CEP41: variants seen among roughly 807,000 people sequenced by gnomAD.
CEP41 encodes centrosomal protein of 41 kDa.
CEP41 carries 32 observed loss-of-function variants against 44.3 expected under a neutral mutation model. The observed-to-expected ratio is 0.72, with a 90% CI of 0.54 to 0.97. The LOEUF (loss-of-function observed/expected upper bound fraction) is 0.97. Ranked by LOEUF, CEP41 falls within the 50% of genes least tolerant of loss-of-function variation. The probability of loss-of-function intolerance (pLI) is 0.00; values close to 1 mark genes in which losing one functional copy is unlikely to be tolerated. For synonymous variants in CEP41, 151 were observed against 168.5 expected (o/e 0.90, Z 0.80); for missense variants, 432 against 455.2 (o/e 0.95, Z 0.46).
In CEP41 at chr7:130,411,151, A is replaced by G; in HGVS notation, c.248T>C (p.Val83Ala). The G allele has an allele frequency of 4.3e-6, 7 of 1,614,142 alleles. No individual in the cohort carries two copies. Among genetic ancestry groups the G allele is most frequent in the Non-Finnish European group, 5.1e-6 (6 of 1,179,984 alleles). ...VASLSDQTLEVTAEEIQRLED... is the reference protein window; with the variant it reads ...VASLSDQTLEATAEEIQRLED... ...CAGCCTTTGAATCTCCTCAGCTGTC[A>G]CTTCCAGTGTTTGATCAGAGAGGGA... Residue 83 changes from valine (V) to alanine (A), a missense_variant, in exon 5 of 11, where the codon GTG (valine) becomes GCG (alanine). By Grantham distance (64) the Val-to-Ala change is moderately conservative. Transcript: ENST00000223208.
In CEP41 at chr7:130,411,912, A is replaced by G. The variant is rs1433577582; in HGVS notation, c.207+267T>C. The stretch of plus-strand genomic sequence containing the variant: ...TAAATATTAAGTTAAATGTATAAGG[A>G]AAAAAACCCCTAACCACAAGTTTAA... On this transcript the variant is annotated intron_variant, in intron 4 of 10. Coordinates refer to ENST00000223208, the MANE Select transcript of CEP41 (RefSeq NM_018718.3). 2.0e-5 allele frequency: 7 copies of G among 350,072 alleles called. No individual in the cohort carries two copies. The Admixed American group carries it at 3.1e-4, about 16-fold the overall frequency. 21.7% of individuals were successfully genotyped at this position (350,072 alleles called of 1,614,324 possible).
chr7:130,428,084 A>G, intron 1 of CEP41, 66 bp from the exon 2 acceptor site: 1 of 1,099,658 alleles, frequency 9.1e-7, no homozygotes, highest in Non-Finnish European at 1.4e-6. Context: ...TAAAGTCAGG[A>G]GTCAGATACT....
At position 130,394,811 on chromosome 7, in the gene CEP41, C is replaced by T. The variant is rs1451074631; in HGVS notation, c.*4080G>A. 1 of 453,988 alleles carries T rather than the reference C, an allele frequency of 2.2e-6. No individual in the cohort carries two copies. The highest frequency in any genetic ancestry group is 4.4e-6 in the Non-Finnish European group (1 of 226,798). 28.1% of individuals were successfully genotyped at this position (453,988 alleles called of 1,614,324 possible). A position where few individuals can be genotyped will look rare whatever the true frequency, so the allele number is the denominator to read the frequency against. On this transcript the variant is annotated 3_prime_UTR_variant, in exon 11 of 11. Coordinates refer to ENST00000223208, the MANE Select transcript of CEP41 (RefSeq NM_018718.3). ...TGTCACAGGGTTGGTGATTTTCACT[C>T]TCTGGGAGCTTATAGTCAAAATAAT... is the stretch of plus-strand genomic sequence containing the variant.
intron 1 of CEP41, among the ~76,000 whole-genome samples, chr7:130,432,588 C>CAAAAAA (rs56874452): frequency 1.9e-3 from 112 of 59,730 alleles, no homozygotes; most frequent in East Asian, 3.5e-3. Flanking sequence ...TTTGTTTCCA[C>CAAAAAA]AAAAAAAAAA....
Position 130,395,918 on chromosome 7 carries a change from G to A in CEP41, c.*2973C>T, listed in dbSNP as rs1554414319. The A allele has an allele frequency of 8.9e-6, 4 of 448,464 alleles. No individual in the cohort carries two copies. The highest frequency in any genetic ancestry group is 1.8e-5 in the Non-Finnish European group (4 of 225,602). The allele number at this position is 448,464 out of a possible 1,614,324, so 27.8% of individuals were successfully genotyped here. The stretch of plus-strand genomic sequence containing the variant: ...AAAGATAAAAGATAAAATGAATGCA[G>A]GCCATTTAAATCATTCCATACTTTT... On this transcript the variant is annotated 3_prime_UTR_variant, in exon 11 of 11. Coordinates refer to ENST00000223208, the MANE Select transcript of CEP41 (RefSeq NM_018718.3).
rs1057385219 is a variant in CEP41, at chr7:130,393,988, T to A, written c.*4903A>T. On this transcript the variant is annotated 3_prime_UTR_variant, in exon 11 of 11. Coordinates refer to ENST00000223208, the MANE Select transcript of CEP41 (RefSeq NM_018718.3). ...GCGGTGGAAATGTGGAAATACGCAT[T>A]CCCCAGAGCAGATGTTTCAGTTCCT... 1 of 454,056 alleles carries A rather than the reference T, an allele frequency of 2.2e-6. No homozygotes were observed. The highest frequency in any genetic ancestry group is 4.4e-6 in the Non-Finnish European group (1 of 226,784). 28.1% of individuals were successfully genotyped at this position (454,056 alleles called of 1,614,324 possible). A position where few individuals can be genotyped will look rare whatever the true frequency, so the allele number is the denominator to read the frequency against.
chr7:130,416,573 A>G (rs1797343674), intron 3 of CEP41, among the ~76,000 whole-genome samples: 1 of 152,360 alleles, frequency 6.6e-6, no homozygotes, highest in East Asian at 1.9e-4. Context: ...GAGACAAAAT[A>G]AGACAGAAAA....
chr7:130,433,198 G>A (rs375071147), intron 1 of CEP41, among the ~76,000 whole-genome samples: 36 of 152,196 alleles, frequency 2.4e-4, no homozygotes, highest in African/African-American at 7.7e-4. Context: ...AAACTGATGC[G>A]GCAGATGCAA....
At chr7:130,408,972 A>G (rs1797094276) in intron 5 of CEP41, among the ~76,000 whole-genome samples, 1 of 152,242 alleles carries the variant, frequency 6.6e-6, no homozygotes. Context: ...ATACAAAATT[A>G]TATACAAAGA....
chr7:130,421,820 G>A lies in CEP41; in HGVS notation c.98-4854C>T, dbSNP rs973348915. ...GGGACTAATAAAGGGAGAGCCCTGT[G>A]GTTTGGAAAGTGTCCCTTAATCAGC... On this transcript the variant is annotated intron_variant, in intron 2 of 10. Coordinates refer to ENST00000223208, the MANE Select transcript of CEP41 (RefSeq NM_018718.3). 4.1e-5 allele frequency: 57 copies of A among 1,374,392 alleles called. No individual in the cohort carries two copies. In the East Asian group the frequency reaches 1.4e-3, roughly 35 times the overall value. 85.1% of individuals were successfully genotyped at this position (1,374,392 alleles called of 1,614,324 possible). A position where few individuals can be genotyped will look rare whatever the true frequency, so the allele number is the denominator to read the frequency against.
intron 5 of CEP41, among the ~76,000 whole-genome samples, chr7:130,406,008 C>T (rs1554418142): frequency 1.3e-5 from 2 of 151,996 alleles, no homozygotes; most frequent in African/African-American, 2.4e-5. Context: ...TGTAAAACAA[C>T]GACGTTCTCA....
At chr7:130,423,593 A>G (rs953399766) in intron 2 of CEP41, among the ~76,000 whole-genome samples, 3 of 152,230 alleles carry the variant, frequency 2.0e-5, no homozygotes, top group Non-Finnish European at 2.9e-5. Flanking sequence ...CAGTTACCAT[A>G]TGAAAAGCAA....
chr7:130,417,342 G>A, intron 2 of CEP41: 2 of 1,083,318 alleles, frequency 1.8e-6, no homozygotes, highest in African/African-American at 1.7e-5. Flanking sequence ...CAGAAGAGGA[G>A]CAAAAAGGAG....
At chr7:130,431,122 A>G (rs1353218023) in intron 1 of CEP41, among the ~76,000 whole-genome samples, 1 of 147,122 alleles carries the variant, frequency 6.8e-6, no homozygotes, top group Non-Finnish European at 1.5e-5. Context: ...ACCAACCGCA[A>G]TGTAAAACTA....
At chr7:130,402,590 T>C in intron 7 of CEP41, 58 bp downstream of exon 7, 1 of 1,591,146 alleles carries the variant, frequency 6.3e-7, no homozygotes, top group Non-Finnish European at 8.6e-7. Flanking sequence ...CTGCCTAGAC[T>C]CAAGAGCAGG....
rs1554415577 is a variant in CEP41, at chr7:130,398,051, A to G, written c.*840T>C. 1 of 454,178 alleles carries G rather than the reference A, an allele frequency of 2.2e-6. No individual in the cohort carries two copies. The highest frequency in any genetic ancestry group is 2.3e-5 in the Admixed American group (1 of 42,568). 28.1% of individuals were successfully genotyped at this position (454,178 alleles called of 1,614,324 possible). A position where few individuals can be genotyped will look rare whatever the true frequency, so the allele number is the denominator to read the frequency against. ...AACTGGCCATAATTTCTGTCCATCT[A>G]ACATGGATGGACTGAAGCTGGGCAA... On this transcript the variant is annotated 3_prime_UTR_variant, in exon 11 of 11. Transcript: ENST00000223208.
At chr7:130,408,944 A>G (rs1797093344) in intron 5 of CEP41, among the ~76,000 whole-genome samples, 1 of 152,232 alleles carries the variant, frequency 6.6e-6, no homozygotes, top group African/African-American at 2.4e-5. Context: ...TGAAAAAGCG[A>G]TAATTGAAAA....
chr7:130,440,784 C>T (rs1798128325), intron 1 of CEP41, 150 bp downstream of exon 1: 1 of 553,108 alleles, frequency 1.8e-6, no homozygotes, highest in African/African-American at 1.9e-5. Flanking sequence ...CAAGCCCGGC[C>T]CGCCCCGCCC....
At position 130,395,391 on chromosome 7, in the gene CEP41, C is replaced by A; in HGVS notation, c.*3500G>T. 2.2e-6 allele frequency: 1 copy of A among 453,858 alleles called. No individual in the cohort carries two copies. The highest frequency in any genetic ancestry group is 6.9e-5 in the East Asian group (1 of 14,402). 28.1% of individuals were successfully genotyped at this position (453,858 alleles called of 1,614,324 possible). A position where few individuals can be genotyped will look rare whatever the true frequency, so the allele number is the denominator to read the frequency against. On this transcript the variant is annotated 3_prime_UTR_variant, in exon 11 of 11. Coordinates refer to ENST00000223208, the MANE Select transcript of CEP41 (RefSeq NM_018718.3). The stretch of plus-strand genomic sequence containing the variant: ...AAAAAAAGTATCGTGGGAGTTAAAT[C>A]TTTGAAAGAATTGGGAAGAAAATAA...
Sources: gnomAD v4.1 joint callset for allele counts (sites outside exome capture counted in the v4.1 genomes callset) on GRCh38, gnomAD v4.1.1 for gene constraint, MANE v1.5 for transcripts, NCBI Gene and HGNC (gene_info 2026-07-23, HGNC 2026-07-21) for gene names.